The following SPAG16 variants were observed in gnomAD, a reference collection of about 807,000 sequenced individuals.
SPAG16 encodes the protein sperm associated antigen 16, also known as sperm-associated antigen 16 protein.
In SPAG16, 86 loss-of-function variants were observed where a neutral mutation model predicts 80.4. The observed-to-expected ratio is 1.07, with a 90% CI of 0.90 to 1.28. The LOEUF (loss-of-function observed/expected upper bound fraction) is 1.28. Among genes scored for constraint, SPAG16 ranks in the 50% most tolerant of loss-of-function variants. The probability of loss-of-function intolerance (pLI) is 0.00; values close to 1 mark genes in which losing one functional copy is unlikely to be tolerated. For missense variants in SPAG16, 870 were observed against 765.3 expected (o/e 1.14, Z -1.61); for synonymous variants, 294 against 265.9 (o/e 1.11, Z -1.03).
intron 12 of SPAG16, among the ~76,000 whole-genome samples, chr2:213,931,733 C>G (rs1316511940): frequency 6.6e-6 from 1 of 152,016 alleles, no homozygotes; most frequent in Non-Finnish European, 1.5e-5. Flanking sequence ...CAATTGGTGC[C>G]CAGTAAATCT....
intron 10 of SPAG16, among the ~76,000 whole-genome samples, chr2:213,520,519 G>T (rs2075620585): frequency 6.6e-6 from 1 of 151,456 alleles, no homozygotes; most frequent in African/African-American, 2.4e-5. Flanking sequence ...GTGTGAACCT[G>T]GGAGGCGGAG....
At chr2:214,108,475 ACACACC>A (rs2053505777) in intron 14 of SPAG16, among the ~76,000 whole-genome samples, 1 of 86,098 alleles carries the variant, frequency 1.2e-5, no homozygotes, top group South Asian at 4.2e-4. Flanking sequence ...ACACACACAC[ACACACC>A]CCCACACACA....
rs113352920 is a variant in SPAG16 at position 213,789,101 on chromosome 2, C to G, written c.1071-73384C>G. ...AATAATTTGGAAGAACCATTTTAAT[C>G]ACCATAATTGTACTGAAGCACTTAA... On this transcript the variant is annotated intron_variant, in intron 10 of 15. Coordinates refer to ENST00000331683, the MANE Select transcript of SPAG16 (RefSeq NM_024532.5). 1.4e-4 allele frequency among the ~76,000 whole-genome samples: 22 copies of G among 152,000 alleles called. 1 individual carries two copies. The highest frequency in any genetic ancestry group is 4.3e-4 in the African/African-American group (18 of 41,550).
Position 213,364,157 on chromosome 2 carries a change from A to C in SPAG16, c.832+12A>C, listed in dbSNP as rs1340777329. On this transcript the variant is annotated intron_variant, in intron 8 of 15. Coordinates refer to ENST00000331683, the MANE Select transcript of SPAG16 (RefSeq NM_024532.5). Reference sequence around the variant, plus strand: ...TCCTCAAATTAAAGGTAAATGTAAAATGTGATGAAGCTCTCATTTAATATA... The same window carrying C: ...TCCTCAAATTAAAGGTAAATGTAAACTGTGATGAAGCTCTCATTTAATATA... 6.8e-7 allele frequency: 1 copy of C among 1,462,062 alleles called. No individual in the cohort carries two copies. The highest frequency in any genetic ancestry group is 2.5e-5 in the East Asian group (1 of 40,254). The allele number at this position is 1,462,062 out of a possible 1,614,324, so 90.6% of individuals were successfully genotyped here.
At chr2:214,296,663 GT>G (rs1298506844) in intron 15 of SPAG16, among the ~76,000 whole-genome samples, 1 of 152,072 alleles carries the variant, frequency 6.6e-6, no homozygotes, top group Non-Finnish European at 1.5e-5. Context: ...TTTATTACAT[GT>G]TTATTAGCCA....
intron 10 of SPAG16, among the ~76,000 whole-genome samples, chr2:213,617,336 G>A (rs987433685): frequency 4.6e-5 from 7 of 152,100 alleles, no homozygotes; most frequent in Non-Finnish European, 1.0e-4. Context: ...AGGCCGAAGT[G>A]GAGAAGTGGA....
intron 9 of SPAG16, among the ~76,000 whole-genome samples, chr2:213,417,930 G>A (rs2069357595): frequency 1.3e-5 from 2 of 150,464 alleles, no homozygotes; most frequent in African/African-American, 4.9e-5. Flanking sequence ...GGAGTGTGCA[G>A]TGGCACGATC....
chr2:214,048,383 A>T (rs1378604855), intron 13 of SPAG16, among the ~76,000 whole-genome samples: 1 of 152,216 alleles, frequency 6.6e-6, no homozygotes, highest in Non-Finnish European at 1.5e-5. Context: ...GCTATTAAAA[A>T]AATGTCATCT....
chr2:213,626,606 G>T (rs1482030467), intron 10 of SPAG16, among the ~76,000 whole-genome samples: 2 of 148,904 alleles, frequency 1.3e-5, no homozygotes, highest in Admixed American at 6.7e-5. Context: ...TTACAAGTTT[G>T]CATGACACAC....
At chr2:213,865,921 T>C (rs2075663007) in intron 11 of SPAG16, among the ~76,000 whole-genome samples, 1 of 145,464 alleles carries the variant, frequency 6.9e-6, no homozygotes, top group Non-Finnish European at 1.5e-5. Flanking sequence ...CAGAAACTTA[T>C]ATTATATATA....
chr2:213,523,676 T>C (rs2075775715), intron 10 of SPAG16, among the ~76,000 whole-genome samples: 1 of 152,212 alleles, frequency 6.6e-6, no homozygotes. Context: ...ATACAAACAA[T>C]GAAGTCCAGG....
At chr2:214,178,811 A>G (rs536065714) in intron 15 of SPAG16, among the ~76,000 whole-genome samples, 1 of 151,470 alleles carries the variant, frequency 6.6e-6, no homozygotes, top group Admixed American at 6.6e-5. Context: ...AAAGAAACAT[A>G]TTTTGAAAAT....
chr2:214,041,978 G>GTGTGTATA (rs1410396491), intron 13 of SPAG16, among the ~76,000 whole-genome samples: 7 of 116,364 alleles, frequency 6.0e-5, no homozygotes, highest in South Asian at 3.1e-4. Context: ...GTCTGTGTGT[G>GTGTGTATA]TATATATATA....
At chr2:213,447,373 A>C (rs2071392930) in intron 9 of SPAG16, among the ~76,000 whole-genome samples, 1 of 152,210 alleles carries the variant, frequency 6.6e-6, no homozygotes, top group South Asian at 2.1e-4. Context: ...CCATGTCCAG[A>C]CTGCAAGTAT....
chr2:213,731,617 C>G (rs560587255), intron 10 of SPAG16, among the ~76,000 whole-genome samples: 2 of 152,236 alleles, frequency 1.3e-5, no homozygotes, highest in South Asian at 4.2e-4. Context: ...GCTCTTCTTC[C>G]TGATCCTGCC....
chr2:214,177,634 TG>T (rs2057136589), intron 15 of SPAG16, among the ~76,000 whole-genome samples: 4 of 150,750 alleles, frequency 2.7e-5, no homozygotes, highest in Non-Finnish European at 6.0e-5. Context: ...GTAGGTTTTT[TG>T]TGAAACAAAA....
chr2:213,758,758 G>A (rs996233943), intron 10 of SPAG16, among the ~76,000 whole-genome samples: 8 of 152,020 alleles, frequency 5.3e-5, no homozygotes, highest in South Asian at 2.1e-4. Context: ...AGAAACAACG[G>A]ATAGAACCTT....
At chr2:214,378,023 A>G (rs561285499) in intron 15 of SPAG16, among the ~76,000 whole-genome samples, 7 of 152,280 alleles carry the variant, frequency 4.6e-5, no homozygotes, top group African/African-American at 1.7e-4. Flanking sequence ...CAGAGCCGAG[A>G]AAGGAGATGT....
At chr2:213,522,822 T>A (rs1201722490) in intron 10 of SPAG16, among the ~76,000 whole-genome samples, 1 of 144,970 alleles carries the variant, frequency 6.9e-6, no homozygotes, top group Non-Finnish European at 1.5e-5. Context: ...TATAACAAAC[T>A]TATATATATA....
Sources: allele counts gnomAD v4.1 joint callset (sites outside exome capture counted in the v4.1 genomes callset), GRCh38; gene constraint gnomAD v4.1.1; transcripts MANE v1.5; gene names NCBI Gene and HGNC (gene_info 2026-07-23, HGNC 2026-07-21).